DPP7: variants seen among roughly 807,000 people sequenced by gnomAD.
DPP7 encodes the protein dipeptidyl peptidase 2.
In DPP7, 74 loss-of-function variants were observed where a neutral mutation model predicts 58.8. The observed-to-expected ratio is 1.26, with a 90% confidence interval of 1.04 to 1.53. The LOEUF (loss-of-function observed/expected upper bound fraction) is 1.53. Among genes scored for constraint, DPP7 ranks in the 40% most tolerant of loss-of-function variants. The pLI, the probability that DPP7 is intolerant of heterozygous loss-of-function variation, is 0.00. For synonymous variants in DPP7, 350 were observed against 303.6 expected (o/e 1.15, Z -1.59); for missense variants, 807 against 692.3 (o/e 1.17, Z -1.86).
chr9:137,116,852 C>G (rs1831653336), upstream of DPP7, among the ~76,000 whole-genome samples: 1 of 152,218 alleles, frequency 6.6e-6, no homozygotes, highest in Non-Finnish European at 1.5e-5. Context: ...GCGAGATATG[C>G]TGGCGGCAAT....
In DPP7 at chr9:137,112,883, A is replaced by T. The variant is rs979989431; in HGVS notation, c.870+70T>A. On this transcript the variant is annotated intron_variant, in intron 7 of 12. Transcript: ENST00000371579. ...CTCCCTGGCTCCCAGGATGAGGGTCAGGCCGCTGACCACCAGCCTCGGGAC... is the reference window on the plus strand; with the variant it reads ...CTCCCTGGCTCCCAGGATGAGGGTCTGGCCGCTGACCACCAGCCTCGGGAC... The T allele has an allele frequency of 8.1e-6, 13 of 1,602,306 alleles. No homozygotes were observed. The African/African-American group carries it at 1.2e-4, about 15-fold the overall frequency.
rs1290228709 is a variant in DPP7 at position 137,110,903 on chromosome 9, C to A, written c.1320G>T (p.Gly440=). The change falls in exon 12 of 13, where the codon GGG becomes GGT. Residue 440 remains glycine (G), a synonymous_variant. Transcript: ENST00000371579. ...SASVIAVTIQ[G]GAHHLDLRAS... is the part of the protein sequence containing the mutation. ...ACCTGAGGTCGAGGTGGTGCGCTCC[C>A]CCCTGGATGGTGACGGCGATGACTG... 3.1e-6 allele frequency: 5 copies of A among 1,612,962 alleles called. No individual in the cohort carries two copies. The highest frequency in any genetic ancestry group is 3.4e-6 in the Non-Finnish European group (4 of 1,179,918).
rs1285637872 is a variant in DPP7, at chr9:137,112,230, C to A, written c.932G>T (p.Gly311Val). The A allele has an allele frequency of 6.3e-7, 1 of 1,597,442 alleles. No individual in the cohort carries two copies. Among genetic ancestry groups the A allele is most frequent in the South Asian group, 1.1e-5 (1 of 90,582 alleles). The change falls in exon 9 of 13, where the codon GGG (glycine) becomes GTG (valine). Residue 311 changes from glycine (G) to valine (V), a missense_variant and splice_region_variant. Gly to Val is a moderately radical substitution (Grantham distance 109, BLOSUM62 -3). Around this residue, in one of 3 missense-constraint regions of DPP7, gnomAD observed 624 missense variants for 531.2 expected, o/e 1.17. Transcript: ENST00000371579. ...QRITGLRALA[G>V]LVYNASGSEH... is the part of the protein sequence containing the mutation. ...GGAGCCCGAGGCGTTGTAGACCAGC[C>A]CTGGGGAGGAGAGGCGCTGGGGCCC...
chr9:137,112,724 C>T (rs1831434556), intron 8 of DPP7, 21 bp downstream of exon 8: 1 of 1,588,738 alleles, frequency 6.3e-7, no homozygotes, highest in Non-Finnish European at 8.5e-7. Context: ...ACTTGCCCAT[C>T]TGGGGCCGGG....
rs779755124 is a variant in DPP7, at chr9:137,111,770, A to G, written c.1208-16T>C. ...GCTCTGAGATCTGCAAGGGGCAGAG[A>G]AAGTTGTGATGTGGGCCCCTCACGG... On this transcript the variant is annotated splice_polypyrimidine_tract_variant and intron_variant, in intron 10 of 12. Transcript: ENST00000371579. The G allele has an allele frequency of 6.2e-7, 1 of 1,613,656 alleles. No homozygotes were observed. Among genetic ancestry groups the G allele is most frequent in the South Asian group, 1.1e-5 (1 of 91,078 alleles).
chr9:137,116,369 C>T (rs1436071406), upstream of DPP7, among the ~76,000 whole-genome samples: 2 of 152,226 alleles, frequency 1.3e-5, no homozygotes, highest in Non-Finnish European at 2.9e-5. Context: ...GTGCTGGTAA[C>T]CTGTAACCTT....
chr9:137,114,828 T>C, upstream of DPP7: 1 of 702,744 alleles, frequency 1.4e-6, no homozygotes, highest in Non-Finnish European at 2.0e-6. Context: ...AGACCGTCGC[T>C]GCTTCAGCGC....
At position 137,113,099 on chromosome 9, in the gene DPP7, C is replaced by T. The variant is rs1285567193; in HGVS notation, c.724G>A (p.Glu242Lys). 1 of 1,613,776 alleles carries T rather than the reference C, an allele frequency of 6.2e-7. No homozygotes were observed. Among genetic ancestry groups the T allele is most frequent in the Non-Finnish European group, 8.5e-7 (1 of 1,180,014 alleles). The change falls in exon 7 of 13, where the codon GAG becomes AAG. Residue 242 changes from glutamate to lysine, a missense_variant. Physicochemically the swap from Glu to Lys is moderately conservative, Grantham distance 56. This residue lies in a region of DPP7 where 624 missense variants were observed against 531.2 expected (regional missense o/e 1.17). Transcript: ENST00000371579. Reference protein sequence around the residue: ...LQGAYDTVRWEFGTCQPLSDE... With the variant: ...LQGAYDTVRWKFGTCQPLSDE... The stretch of plus-strand genomic sequence containing the variant: ...GACAGCGGCTGGCAGGTGCCGAACT[C>T]CCAGCGGACCGTGTCGTAGGCTGCG...
upstream of DPP7, among the ~76,000 whole-genome samples, chr9:137,116,827 G>A (rs752896444): frequency 6.6e-6 from 1 of 152,196 alleles, no homozygotes; most frequent in East Asian, 1.9e-4. Context: ...GGAGAAAACC[G>A]CCCTGTGGCT....
intron 10 of DPP7, 27 bp from the exon 11 acceptor site, chr9:137,111,781 G>A (rs776977163): frequency 1.2e-6 from 2 of 1,613,530 alleles, no homozygotes; most frequent in East Asian, 2.2e-5. Flanking sequence ...AAGTTGTGAT[G>A]TGGGCCCCTC....
At position 137,113,861 on chromosome 9, in the gene DPP7, C is replaced by T; in HGVS notation, c.485+4G>A. 2 of 1,525,090 alleles carry T rather than the reference C, an allele frequency of 1.3e-6. No individual in the cohort carries two copies. Among genetic ancestry groups the T allele is most frequent in the Non-Finnish European group, 1.8e-6 (2 of 1,139,316 alleles). The allele number at this position is 1,525,090 out of a possible 1,614,324, so 94.5% of individuals were successfully genotyped here. A position where few individuals can be genotyped will look rare whatever the true frequency, so the allele number is the denominator to read the frequency against. ...GGGGTGCGGAGGCCGGGGGAGGCGC[C>T]CACCTTCCACCGAAGGCGATGGCGG... On this transcript the variant is annotated splice_donor_region_variant and intron_variant, in intron 4 of 12. Transcript: ENST00000371579.
rs768993053 is a variant in DPP7, at chr9:137,114,248, C to A, written c.316G>T (p.Glu106Ter). The A allele has an allele frequency of 6.3e-7, 1 of 1,576,798 alleles. No homozygotes were observed. The highest frequency in any genetic ancestry group is 1.7e-5 in the Admixed American group (1 of 57,616). ...AERGALLVFA[E>*]HRYYGKSLPF... ...CGACCCCGCCCGGCACCCACGTGCTCCGCGAAGACCAGTAGAGCCCCCCGC... is the reference window on the plus strand; with the variant it reads ...CGACCCCGCCCGGCACCCACGTGCTACGCGAAGACCAGTAGAGCCCCCCGC... The change falls in exon 3 of 13, where the codon GAG (glutamate) becomes TAG (stop). Residue 106 changes from glutamate (E) to a stop codon, truncating the protein, a stop_gained. Transcript: ENST00000371579. LOFTEE classifies it high-confidence loss of function.
upstream of DPP7, among the ~76,000 whole-genome samples, chr9:137,116,924 C>T (rs1381891329): frequency 6.6e-6 from 1 of 152,238 alleles, no homozygotes; most frequent in Non-Finnish European, 1.5e-5. Context: ...ATCTGGCCTA[C>T]GTGCACATCC....
chr9:137,117,921 T>C (rs1386621122), upstream of DPP7, among the ~76,000 whole-genome samples: 3 of 152,148 alleles, frequency 2.0e-5, no homozygotes, highest in Admixed American at 2.0e-4. Context: ...GCACTCACCA[T>C]TCTACCATCT....
At position 137,110,656 on chromosome 9, in the gene DPP7, T is replaced by C. The variant is rs1831310502; in HGVS notation, c.1471A>G (p.Ser491Gly). Residue 491 changes from serine (S) to glycine (G), a missense_variant, in exon 13 of 13, where the codon AGC (serine) becomes GGC (glycine). Ser to Gly is a moderately conservative substitution (Grantham distance 56). Around this residue, in one of 3 missense-constraint regions of DPP7, gnomAD observed 624 missense variants for 531.2 expected, o/e 1.17. Coordinates refer to ENST00000371579, the MANE Select transcript of DPP7 (RefSeq NM_013379.3). ...CCCCTCCAGTCCTGTGCTCAGAGGC[T>C]GAGTCTGGGCCCCCCACGCAGAGCT... ...QPALRGGPRLSL is the reference protein window; with the variant it reads ...QPALRGGPRLGL 6.2e-7 allele frequency: 1 copy of C among 1,609,566 alleles called. No individual in the cohort carries two copies. Among genetic ancestry groups the C allele is most frequent in the East Asian group, 2.2e-5 (1 of 44,868 alleles).
In DPP7 at chr9:137,113,361, C is replaced by T. The variant is rs369333865; in HGVS notation, c.621G>A (p.Ala207=). 29 of 1,611,372 alleles carry T rather than the reference C, an allele frequency of 1.8e-5. No homozygotes were observed. The highest frequency in any genetic ancestry group is 5.3e-5 in the African/African-American group (4 of 74,860). Reference sequence around the variant, plus strand: ...CTGGAGGACCCCAAGCCTCACTCACCGCCGTGACGTCCCGGAAGAACTGGT... The same window carrying T: ...CTGGAGGACCCCAAGCCTCACTCACTGCCGTGACGTCCCGGAAGAACTGGT... The part of the protein sequence containing the change: ...DSNQFFRDVT[A]DFEGQSPKCT... Residue 207 remains alanine, a splice_region_variant and synonymous_variant, in exon 5 of 13, where the codon GCG becomes GCA. Coordinates refer to ENST00000371579, the MANE Select transcript of DPP7 (RefSeq NM_013379.3).
At chr9:137,112,358 G>A (rs1831414045) in intron 8 of DPP7, 128 bp from the exon 9 acceptor site, 1 of 788,076 alleles carries the variant, frequency 1.3e-6, no homozygotes, top group East Asian at 2.7e-5. Context: ...AGGTCCCAGT[G>A]AGGAAGGCCC....
upstream of DPP7, among the ~76,000 whole-genome samples, chr9:137,116,489 T>C (rs1028885333): frequency 3.0e-4 from 46 of 152,374 alleles, no homozygotes; most frequent in African/African-American, 1.0e-3. Context: ...GGCAGTATGC[T>C]TGGTAAAAGT....
Position 137,112,979 on chromosome 9 carries a change from C to T in DPP7, c.844G>A (p.Gly282Ser), listed in dbSNP as rs772606508. ...MDYPYPTDFL[G>S]PLPANPVKVG... Reference sequence around the variant, plus strand: ...TTGACGGGGTTGGCAGGGAGGGGACCCAGGAAGTCAGTGGGGTAGGGGTAG... The same window carrying T: ...TTGACGGGGTTGGCAGGGAGGGGACTCAGGAAGTCAGTGGGGTAGGGGTAG... Residue 282 changes from glycine (G) to serine (S), a missense_variant, in exon 7 of 13, where the codon GGT becomes AGT. Coordinates refer to ENST00000371579, the MANE Select transcript of DPP7 (RefSeq NM_013379.3). 1.2e-6 allele frequency: 2 copies of T among 1,613,470 alleles called. No individual in the cohort carries two copies. Among genetic ancestry groups the T allele is most frequent in the Non-Finnish European group, 1.7e-6 (2 of 1,179,976 alleles).
Sources: allele counts gnomAD v4.1 joint callset (sites outside exome capture counted in the v4.1 genomes callset), GRCh38; gene constraint gnomAD v4.1.1; regional missense constraint gnomAD v4.1.1; transcripts MANE v1.5; gene names NCBI Gene and HGNC (gene_info 2026-07-23, HGNC 2026-07-21).